The following TNRC6A variants were observed in gnomAD, a reference collection of about 807,000 sequenced individuals.
TNRC6A encodes trinucleotide repeat containing adaptor 6A.
In TNRC6A, 44 loss-of-function variants were observed where a neutral mutation model predicts 221.2. The observed-to-expected ratio is 0.20, with a 90% CI of 0.16 to 0.26. TNRC6A has a LOEUF of 0.26. Among genes scored for constraint, TNRC6A ranks in the 10% least tolerant of loss-of-function variants. The pLI is 1.00. For missense variants in TNRC6A, 2,199 were observed against 2,404.4 expected (o/e 0.91, Z 1.79); for synonymous variants, 847 against 838.5 (o/e 1.01, Z -0.18).
At chr16:24,678,971 T>C (rs964814344) in intron 2 of TNRC6A, among the ~76,000 whole-genome samples, 1 of 151,348 alleles carries the variant, frequency 6.6e-6, no homozygotes, top group Non-Finnish European at 1.5e-5. Context: ...AGTACTAATA[T>C]GAAAAGACCT....
intron 2 of TNRC6A, among the ~76,000 whole-genome samples, chr16:24,717,000 G>C (rs539433956): frequency 1.4e-5 from 2 of 138,178 alleles, no homozygotes; most frequent in South Asian, 4.5e-4. Context: ...TTGAATGAAT[G>C]AATAGATGAA....
intron 4 of TNRC6A, among the ~76,000 whole-genome samples, chr16:24,760,526 A>G (rs539000626): frequency 3.9e-5 from 6 of 152,204 alleles, no homozygotes; most frequent in African/African-American, 1.4e-4. Flanking sequence ...CAGTGATTTC[A>G]CTCATGTCAT....
chr16:24,611,927 C>A (rs1447528466), intron 1 of TNRC6A, among the ~76,000 whole-genome samples: 1 of 151,930 alleles, frequency 6.6e-6, no homozygotes, highest in Non-Finnish European at 1.5e-5. Context: ...AACCCCATCT[C>A]TACTAAAAAT....
Position 24,823,659 on chromosome 16 carries a change from A to G in TNRC6A, c.5741A>G (p.His1914Arg). The G allele has an allele frequency of 1.9e-6, 3 of 1,612,324 alleles. No homozygotes were observed. Among genetic ancestry groups the G allele is most frequent in the Non-Finnish European group, 2.5e-6 (3 of 1,178,870 alleles). Residue 1914 changes from histidine to arginine, a missense_variant, in exon 25 of 25, where the codon CAC (histidine) becomes CGC (arginine). Physicochemically the swap from His to Arg is conservative, Grantham distance 29 (BLOSUM62 0). This residue lies in a region of TNRC6A where 130 missense variants were observed against 121.7 expected (regional missense o/e 1.07). Transcript: ENST00000395799. The surrounding 1 kb of genome is among the most constrained non-coding windows in gnomAD (Gnocchi z 4.3). ...GLSGTNCGDL[H>R]GTSLWGTPHY... ...TCGGGAACTAACTGTGGAGACCTTC[A>G]CGGCACTTCACTCTGGGGGACCCCG... is the stretch of plus-strand genomic sequence containing the variant.
intron 4 of TNRC6A, among the ~76,000 whole-genome samples, chr16:24,773,153 G>T (rs1293295179): frequency 6.6e-6 from 1 of 151,920 alleles, no homozygotes; most frequent in Admixed American, 6.6e-5. Context: ...TTTAGTATGT[G>T]CGGGTGTTTT....
chr16:24,675,378 A>C (rs930190016), intron 2 of TNRC6A, among the ~76,000 whole-genome samples: 3 of 152,040 alleles, frequency 2.0e-5, no homozygotes, highest in Non-Finnish European at 4.4e-5. Flanking sequence ...GATGCATTTT[A>C]GCTTTAAAAG....
In TNRC6A at chr16:24,729,666, CCTGCGGCGGCGGCGGTGT is replaced by C. The variant is rs1239610295; in HGVS notation, c.-174_-157del. Reference sequence around the variant, plus strand: ...TGGGGCATTCACTTCCGGTCTGGGGCCTGCGGCGGCGGCGGTGTCGGCGGCGGCGGCGGCGGCGGCGGC... The same window carrying C: ...TGGGGCATTCACTTCCGGTCTGGGGCCGGCGGCGGCGGCGGCGGCGGCGGC... On this transcript the variant is annotated 5_prime_UTR_variant, in exon 1 of 25. Coordinates refer to ENST00000395799, the MANE Select transcript of TNRC6A (RefSeq NM_014494.4). The C allele has an allele frequency of 1.7e-5, 11 of 637,438 alleles. No individual in the cohort carries two copies. The highest frequency in any genetic ancestry group is 2.5e-5 in the Non-Finnish European group (11 of 445,686). The allele number at this position is 637,438 out of a possible 1,614,324, so 39.5% of individuals were successfully genotyped here.
chr16:24,813,841 AGTTTT>A (rs2058597806), intron 18 of TNRC6A, among the ~76,000 whole-genome samples: 1 of 152,244 alleles, frequency 6.6e-6, no homozygotes, highest in Non-Finnish European at 1.5e-5. Flanking sequence ...GATGAAATGA[AGTTTT>A]CATAAGTGGA....
rs1485800166 is a variant in TNRC6A, at chr16:24,777,390, C to T, written c.589+32C>T. 5.1e-6 allele frequency: 8 copies of T among 1,578,586 alleles called. No individual in the cohort carries two copies. In the East Asian group the frequency reaches 6.7e-5, roughly 13 times the overall value. On this transcript the variant is annotated intron_variant, in intron 5 of 24. Transcript: ENST00000395799. The stretch of plus-strand genomic sequence containing the variant: ...GAAGGCATTTCTTACGAGACTCACA[C>T]CTTATCATCATTAGCTGTATAGCAA...
chr16:24,641,146 A>G (rs1490184400), intron 2 of TNRC6A: 1 of 152,316 alleles, frequency 6.6e-6, no homozygotes, highest in African/African-American at 2.4e-5. Flanking sequence ...GAACTGGGCA[A>G]GAGAAAGGGG....
intron 21 of TNRC6A, 53 bp downstream of exon 21, chr16:24,818,753 G>A (rs2058705976): frequency 7.1e-7 from 1 of 1,416,232 alleles, no homozygotes; most frequent in Non-Finnish European, 1.0e-6. Context: ...CAGAGCCGCG[G>A]CTGTTGTTTT....
At chr16:24,615,346 G>A (rs1040473428) in intron 1 of TNRC6A, among the ~76,000 whole-genome samples, 29 of 152,274 alleles carry the variant, frequency 1.9e-4, no homozygotes, top group Middle Eastern at 3.4e-3. Context: ...TTGAGATCCC[G>A]TGAGACATCC....
chr16:24,804,843 G>A lies in TNRC6A; in HGVS notation c.3976G>A (p.Val1326Ile). 1 of 1,613,226 alleles carries A rather than the reference G, an allele frequency of 6.2e-7. No individual in the cohort carries two copies. Among genetic ancestry groups the A allele is most frequent in the Admixed American group, 1.7e-5 (1 of 59,730 alleles). ...GCTGGGTATGCAAAACTTGAATTCT[G>A]TTAGACAGGTAAGTCCAGATGTGTA... Reference protein sequence around the residue: ...AGLGMQNLNSVRQNGNPSMFG... With the variant: ...AGLGMQNLNSIRQNGNPSMFG... The change falls in exon 13 of 25, where the codon GTT (valine) becomes ATT (isoleucine). Residue 1326 changes from valine to isoleucine, a missense_variant. Coordinates refer to ENST00000395799, the MANE Select transcript of TNRC6A (RefSeq NM_014494.4).
At chr16:24,647,106 AT>A (rs1203623696) in intron 2 of TNRC6A, among the ~76,000 whole-genome samples, 1 of 151,116 alleles carries the variant, frequency 6.6e-6, no homozygotes, top group Non-Finnish European at 1.5e-5. Context: ...ATTTTTTTCT[AT>A]TTTTCGTAGA....
chr16:24,729,291 G>GT (rs1280825496), upstream of TNRC6A, among the ~76,000 whole-genome samples: 1 of 141,202 alleles, frequency 7.1e-6, no homozygotes, highest in Non-Finnish European at 1.5e-5. Context: ...TAAAATTTGC[G>GT]TTTTAGGCAA....
intron 18 of TNRC6A, among the ~76,000 whole-genome samples, chr16:24,812,146 T>C (rs1348562276): frequency 1.4e-5 from 2 of 147,410 alleles, no homozygotes; most frequent in Non-Finnish European, 3.0e-5. Context: ...GTCTCTGGGA[T>C]TCAAGTGGTT....
chr16:24,666,740 C>T (rs1431013484), intron 2 of TNRC6A, among the ~76,000 whole-genome samples: 27 of 142,778 alleles, frequency 1.9e-4, no homozygotes. Flanking sequence ...ATCTCAACTC[C>T]AACATTTACT....
At chr16:24,800,505 G>A (rs555003763) in intron 11 of TNRC6A, among the ~76,000 whole-genome samples, 8 of 152,150 alleles carry the variant, frequency 5.3e-5, no homozygotes, top group South Asian at 2.1e-4. Flanking sequence ...GAAGAGTGCC[G>A]ATAGTGGAGA....
chr16:24,751,966 G>A (rs1307000161), intron 3 of TNRC6A, among the ~76,000 whole-genome samples: 1 of 152,156 alleles, frequency 6.6e-6, no homozygotes, highest in African/African-American at 2.4e-5. Flanking sequence ...ATACTTGGTA[G>A]CCTGTATGCA....
Sources: allele counts gnomAD v4.1 joint callset (sites outside exome capture counted in the v4.1 genomes callset), GRCh38; gene constraint gnomAD v4.1.1; regional missense constraint gnomAD v4.1.1; non-coding constraint Gnocchi (gnomAD v3.1); transcripts MANE v1.5; gene names NCBI Gene and HGNC (gene_info 2026-07-23, HGNC 2026-07-21).